Variants in TPRG1 observed in about 807,000 individuals in gnomAD.
TPRG1 encodes tumor protein p63 regulated 1.
A neutral mutation model predicts 29.3 loss-of-function variants in TPRG1; 29 were observed. That is an observed-to-expected ratio of 0.99 (90% CI 0.74 to 1.35). TPRG1 has a LOEUF of 1.35. Ranked by LOEUF, TPRG1 falls within the 40% of genes most tolerant of loss-of-function variation. The pLI is 0.00. For synonymous variants in TPRG1, 130 were observed against 116.8 expected (o/e 1.11, Z -0.73); for missense variants, 327 against 335.0 (o/e 0.98, Z 0.19).
chr3:189,017,912 G>A (rs1713040837), intron 3 of TPRG1, among the ~76,000 whole-genome samples: 2 of 151,276 alleles, frequency 1.3e-5, no homozygotes, highest in African/African-American at 2.4e-5. Context: ...ACTTTTTAAT[G>A]ATCGCCATTC....
At chr3:189,048,379 C>T (rs573218972) in intron 4 of TPRG1, among the ~76,000 whole-genome samples, 1 of 152,216 alleles carries the variant, frequency 6.6e-6, no homozygotes, top group South Asian at 2.1e-4. Context: ...GCTTTTTGTT[C>T]TATTTAAAGA....
chr3:189,078,833 G>T (rs1717396036), intron 4 of TPRG1, among the ~76,000 whole-genome samples: 1 of 152,156 alleles, frequency 6.6e-6, no homozygotes, highest in Non-Finnish European at 1.5e-5. Flanking sequence ...CAATAATAAT[G>T]TAACAATAAT....
intron 3 of TPRG1, among the ~76,000 whole-genome samples, chr3:189,137,422 AAAAC>A (rs1723906805): frequency 6.6e-6 from 1 of 152,054 alleles, no homozygotes; most frequent in African/African-American, 2.4e-5. Flanking sequence ...ACAAAACAAA[AAAAC>A]AAAAACAACA....
chr3:189,061,450 G>A (rs1482887285), intron 4 of TPRG1, among the ~76,000 whole-genome samples: 2 of 152,098 alleles, frequency 1.3e-5, no homozygotes, highest in African/African-American at 2.4e-5. Flanking sequence ...TGAGATCTAA[G>A]TAAGCTAAAG....
rs1309579873 is a variant in TPRG1, at chr3:189,078,087, TTC to T, written c.-462-48964_-462-48963del. 6.4e-3 allele frequency among the ~76,000 whole-genome samples: 730 copies of T among 114,792 alleles called. 13 individuals carry two copies. Among genetic ancestry groups the T allele is most frequent in the African/African-American group, 0.02 (649 of 33,172 alleles). The allele number at this position is 114,792 out of a possible 152,430, so 75.3% of individuals were successfully genotyped here. On this transcript the variant is annotated intron_variant, in intron 4 of 10. Coordinates refer to the TPRG1 transcript ENST00000433971. ...TTCTCTCCTTTCTCTCTTTCTCTCT[TTC>T]TCTCTTTCTTTCTTTCTTTCTTTCT...
At chr3:189,029,009 GAGTA>G (rs900379806) in intron 4 of TPRG1, among the ~76,000 whole-genome samples, 2 of 150,348 alleles carry the variant, frequency 1.3e-5, no homozygotes, top group African/African-American at 4.9e-5. Flanking sequence ...AGATGGAATT[GAGTA>G]AGTGTTTTCA....
intron 5 of TPRG1, among the ~76,000 whole-genome samples, chr3:189,158,872 G>C (rs1047340868): frequency 1.7e-4 from 26 of 151,896 alleles, no homozygotes; most frequent in African/African-American, 6.0e-4. Context: ...CCACTTGTCT[G>C]AAGCTGTCCT....
chr3:189,086,124 T>C lies in TPRG1; in HGVS notation c.-462-40933T>C, dbSNP rs1027862388. On this transcript the variant is annotated intron_variant, in intron 4 of 10. Transcript: ENST00000433971. The stretch of plus-strand genomic sequence containing the variant: ...CTGTGTCTGAAGGCCTGAGAGCCCC[T>C]GGCAAACCACTAGTGTAGGTCAAAG... Among the ~76,000 whole-genome samples the C allele has an allele frequency of 9.2e-5, 14 of 152,190 alleles. No individual in the cohort carries two copies. The East Asian group carries it at 2.7e-3, about 29-fold the overall frequency.
chr3:189,239,206 AT>A (rs1302620430), intron 4 of TPRG1, among the ~76,000 whole-genome samples: 9 of 152,270 alleles, frequency 5.9e-5, no homozygotes, highest in African/African-American at 2.2e-4. Flanking sequence ...CCTCAGAATT[AT>A]GGCGGGAGGG....
chr3:189,285,296 C>G (rs1449747335), intron 4 of TPRG1, among the ~76,000 whole-genome samples: 1 of 152,174 alleles, frequency 6.6e-6, no homozygotes, highest in Non-Finnish European at 1.5e-5. Flanking sequence ...TGCTTGATGG[C>G]CTTCACTTGT....
intron 1 of TPRG1, chr3:189,121,697 G>T (rs898436435): frequency 6.6e-6 from 1 of 152,158 alleles, no homozygotes; most frequent in African/African-American, 2.4e-5. Context: ...CTTGATGGGG[G>T]TCATTTGGGA....
intron 4 of TPRG1, among the ~76,000 whole-genome samples, chr3:189,265,779 G>A (rs919980589): frequency 6.6e-6 from 1 of 152,156 alleles, no homozygotes; most frequent in Non-Finnish European, 1.5e-5. Flanking sequence ...CTGTGGATCT[G>A]AGGACCAAAA....
intron 4 of TPRG1, among the ~76,000 whole-genome samples, chr3:189,302,909 A>G (rs1721060012): frequency 6.6e-6 from 1 of 152,226 alleles, no homozygotes. Context: ...AAGAGCAGCT[A>G]AAGTCAGGAA....
chr3:189,001,977 T>A (rs1387351597), intron 2 of TPRG1, among the ~76,000 whole-genome samples: 1 of 152,242 alleles, frequency 6.6e-6, no homozygotes, highest in African/African-American at 2.4e-5. Context: ...GGCAAACTGC[T>A]TAAAGTTCCA....
intron 4 of TPRG1, among the ~76,000 whole-genome samples, chr3:189,049,415 G>T (rs1428233571): frequency 1.3e-5 from 2 of 152,034 alleles, no homozygotes; most frequent in East Asian, 3.9e-4. Flanking sequence ...CTCAGCAGAG[G>T]CAGCCATAGT....
chr3:189,115,023 T>G (rs139944214), intron 1 of TPRG1, among the ~76,000 whole-genome samples: 13 of 152,294 alleles, frequency 8.5e-5, no homozygotes, highest in Non-Finnish European at 1.3e-4. Flanking sequence ...CACTTATCCT[T>G]GTTTTATTTC....
chr3:189,266,168 C>T (rs781734696), intron 4 of TPRG1, among the ~76,000 whole-genome samples: 5 of 152,096 alleles, frequency 3.3e-5, no homozygotes, highest in Non-Finnish European at 5.9e-5. Context: ...TAATATCTAC[C>T]CCACGGAGTT....
At chr3:189,302,689 G>A (rs1721023033) in intron 4 of TPRG1, among the ~76,000 whole-genome samples, 1 of 152,136 alleles carries the variant, frequency 6.6e-6, no homozygotes, top group African/African-American at 2.4e-5. Context: ...CTTCTCCTTT[G>A]TTCGAAAGTT....
chr3:189,179,550 A>G (rs944042027), intron 1 of TPRG1, among the ~76,000 whole-genome samples: 6 of 152,178 alleles, frequency 3.9e-5, no homozygotes, highest in African/African-American at 1.2e-4. Context: ...ATTGCACACT[A>G]TACAGATTAT....
Sources: gnomAD v4.1 joint callset for allele counts (sites outside exome capture counted in the v4.1 genomes callset) on GRCh38, gnomAD v4.1.1 for gene constraint, MANE v1.5 for transcripts, NCBI Gene and HGNC (gene_info 2026-07-23, HGNC 2026-07-21) for gene names.